The following PPT2 variants were observed in gnomAD, a reference collection of about 807,000 sequenced individuals.
PPT2 encodes the protein palmitoyl-protein thioesterase 2, also known as lysosomal thioesterase PPT2.
Under a neutral mutation model 37.3 loss-of-function variants are expected in PPT2, and 20 were observed. The ratio of observed to expected loss-of-function variants is 0.54; its 90% confidence interval spans 0.38 to 0.78. The LOEUF is 0.78. PPT2 is among the 30% of genes least tolerant of loss of function. The pLI, the probability that PPT2 is intolerant of heterozygous loss-of-function variation, is 0.00. For missense variants in PPT2, 270 were observed against 389.8 expected, an observed-to-expected ratio of 0.69 and a Z score of 2.59; for synonymous variants, 135 against 159.1, an observed-to-expected ratio of 0.85 and a Z score of 1.14.
At position 32,156,110 on chromosome 6, in the gene PPT2, A is replaced by T. The variant is rs1041494107; in HGVS notation, c.541+132A>T. The T allele has an allele frequency of 2.4e-5, 15 of 632,122 alleles. No homozygotes were observed. Among genetic ancestry groups the T allele is most frequent in the Non-Finnish European group, 3.4e-5 (13 of 382,168 alleles). 39.2% of individuals were successfully genotyped at this position (632,122 alleles called of 1,614,324 possible). A position where few individuals can be genotyped will look rare whatever the true frequency, so the allele number is the denominator to read the frequency against. ...GTTATTTGAACAGGCTCTGTTCAGA[A>T]TTTTTTTTTTTTTTGAGACGGAGTC... is the stretch of plus-strand genomic sequence containing the variant. On this transcript the variant is annotated intron_variant, in intron 5 of 8. Coordinates refer to ENST00000324816, the MANE Select transcript of PPT2 (RefSeq NM_005155.7). This position sits in a 1 kb window ranked among gnomAD's most constrained non-coding sequence, Gnocchi z 4.9.
rs900155596 is a variant in PPT2 at position 32,163,055 on chromosome 6, C to T, written c.*105C>T. On this transcript the variant is annotated 3_prime_UTR_variant, in exon 9 of 9. Coordinates refer to ENST00000324816, the MANE Select transcript of PPT2 (RefSeq NM_005155.7). ...TGTGCCTGTGACCACCTCATTGCTCCCATATTATCCCCCATTTTTAGTAGA... is the reference window on the plus strand; with the variant it reads ...TGTGCCTGTGACCACCTCATTGCTCTCATATTATCCCCCATTTTTAGTAGA... 3 of 1,295,554 alleles carry T rather than the reference C, an allele frequency of 2.3e-6. No homozygotes were observed. The African/African-American group carries it at 4.5e-5, about 19-fold the overall frequency. 80.3% of individuals were successfully genotyped at this position (1,295,554 alleles called of 1,614,324 possible).
In PPT2 at chr6:32,156,317, G is replaced by GT; in HGVS notation, c.541+339_541+340insT. 6.6e-6 allele frequency among the ~76,000 whole-genome samples: 1 copy of GT among 152,194 alleles called. No individual in the cohort carries two copies. ...GATGGAGTTTCGCCATGTTGGCCAGGCTGGTCTCGAACTCCTGACCTCAGG... is the reference window on the plus strand; with the variant it reads ...GATGGAGTTTCGCCATGTTGGCCAGGTCTGGTCTCGAACTCCTGACCTCAGG... On this transcript the variant is annotated intron_variant, in intron 5 of 8. Transcript: ENST00000324816. This position sits in a 1 kb window ranked among gnomAD's most constrained non-coding sequence, Gnocchi z 4.9.
chr6:32,162,659 G>A lies in PPT2; in HGVS notation c.765+37G>A. 6.3e-7 allele frequency: 1 copy of A among 1,583,090 alleles called. No homozygotes were observed. Among genetic ancestry groups the A allele is most frequent in the East Asian group, 2.2e-5 (1 of 44,732 alleles). On this transcript the variant is annotated intron_variant, in intron 8 of 8. Transcript: ENST00000324816. The surrounding 1 kb of genome is among the most constrained non-coding windows in gnomAD (Gnocchi z 5.5). ...GGGATTACTTCCCCTTCTAGCCGCT[G>A]TCCCACCTTATTCCAGAGCCCTCTC... is the stretch of plus-strand genomic sequence containing the variant.
intron 7 of PPT2, among the ~76,000 whole-genome samples, chr6:32,161,658 G>C (rs1410246665): frequency 3.3e-5 from 5 of 149,472 alleles, no homozygotes; most frequent in African/African-American, 1.2e-4. Context: ...CGCCATCCCG[G>C]CTCACTGCAA....
At chr6:32,153,994 C>A, upstream of PPT2, 1 of 1,273,044 alleles carries the variant, frequency 7.9e-7, no homozygotes, top group Non-Finnish European at 9.9e-7. The surrounding 1 kb of genome is among the most constrained non-coding windows in gnomAD (Gnocchi z 4.4). Context: ...CTGTTTCCTC[C>A]CCAGCACCTA....
At position 32,155,303 on chromosome 6, in the gene PPT2, T is replaced by C; in HGVS notation, c.337+120T>C. On this transcript the variant is annotated intron_variant, in intron 3 of 8. Transcript: ENST00000324816. This position sits in a 1 kb window ranked among gnomAD's most constrained non-coding sequence, Gnocchi z 4.3. Reference sequence around the variant, plus strand: ...TTGCTCCAGGCACAACCCTGGTACCTGAGCCCTTCCTTTCTGACTTCCCTC... The same window carrying C: ...TTGCTCCAGGCACAACCCTGGTACCCGAGCCCTTCCTTTCTGACTTCCCTC... The C allele has an allele frequency of 8.3e-7, 1 of 1,208,306 alleles. No individual in the cohort carries two copies. The highest frequency in any genetic ancestry group is 2.5e-5 in the East Asian group (1 of 39,364). 74.8% of individuals were successfully genotyped at this position (1,208,306 alleles called of 1,614,324 possible).
rs1309817797 is a variant in PPT2, at chr6:32,163,196, C to T, written c.*246C>T. On this transcript the variant is annotated 3_prime_UTR_variant, in exon 9 of 9. Transcript: ENST00000324816. ...CTCTCATTTGGGGGATTGCTCCGTG[C>T]TGTCCCTTTCTCTCAAGGCCGAAGT... The T allele has an allele frequency of 2.0e-6, 1 of 495,144 alleles. No homozygotes were observed. Among genetic ancestry groups the T allele is most frequent in the East Asian group, 3.2e-5 (1 of 31,466 alleles). 30.7% of individuals were successfully genotyped at this position (495,144 alleles called of 1,614,324 possible). A position where few individuals can be genotyped will look rare whatever the true frequency, so the allele number is the denominator to read the frequency against.
intron 7 of PPT2, chr6:32,158,152 C>T: frequency 2.2e-6 from 1 of 458,394 alleles, no homozygotes; most frequent in Non-Finnish European, 3.9e-6. Context: ...CTATCACCCC[C>T]TCCCCCACTT....
chr6:32,161,876 G>A (rs879597453), intron 7 of PPT2, among the ~76,000 whole-genome samples: 54 of 152,096 alleles, frequency 3.6e-4, no homozygotes, highest in South Asian at 6.2e-4. Flanking sequence ...GAGCCACCAC[G>A]CCCAGCTAAT....
At position 32,155,572 on chromosome 6, in the gene PPT2, CTGTGTGTGTCTCTG is replaced by C; in HGVS notation, c.338-106_338-93del. The C allele has an allele frequency of 3.7e-6, 3 of 819,466 alleles. No individual in the cohort carries two copies. The highest frequency in any genetic ancestry group is 2.0e-5 in the Admixed American group (1 of 49,668). The allele number at this position is 819,466 out of a possible 1,614,324, so 50.8% of individuals were successfully genotyped here. Reference sequence around the variant, plus strand: ...AGTCTCCTTTGTGTACAGTGTGTGTCTGTGTGTGTCTCTGTGTGTGTGTGTGTGTGTGTGTGTGT... The same window carrying C: ...AGTCTCCTTTGTGTACAGTGTGTGTCTGTGTGTGTGTGTGTGTGTGTGTGT... On this transcript the variant is annotated intron_variant, in intron 3 of 8. Transcript: ENST00000324816. The surrounding 1 kb of genome is among the most constrained non-coding windows in gnomAD (Gnocchi z 4.3).
intron 7 of PPT2, among the ~76,000 whole-genome samples, chr6:32,160,733 T>C (rs1784100811): frequency 6.6e-6 from 1 of 151,952 alleles, no homozygotes; most frequent in Non-Finnish European, 1.5e-5. Flanking sequence ...TAAGAAAAGT[T>C]TGCGCCTGTA....
chr6:32,153,575 C>T (rs1783493994), upstream of PPT2: 12 of 1,575,954 alleles, frequency 7.6e-6, no homozygotes, highest in East Asian at 2.8e-4. The surrounding 1 kb of genome is among the most constrained non-coding windows in gnomAD (Gnocchi z 4.4). Flanking sequence ...GCTCAAGGGG[C>T]CTCGAGGACT....
Position 32,157,695 on chromosome 6 carries a change from G to A in PPT2, c.600G>A (p.Gly200=). 6.2e-7 allele frequency: 1 copy of A among 1,602,082 alleles called. No individual in the cohort carries two copies. The highest frequency in any genetic ancestry group is 8.5e-7 in the Non-Finnish European group (1 of 1,169,852). Reference sequence around the variant, plus strand: ...GCAGCTTCCTGGCCCTGATCAATGGGGAAAGAGACCATCCCAATGCCACAG... The same window carrying A: ...GCAGCTTCCTGGCCCTGATCAATGGAGAAAGAGACCATCCCAATGCCACAG... ...NASSFLALIN[G]ERDHPNATVW... Residue 200 remains glycine (G), a synonymous_variant, in exon 6 of 9, where the codon GGG becomes GGA. Coordinates refer to ENST00000324816, the MANE Select transcript of PPT2 (RefSeq NM_005155.7).
intron 7 of PPT2, among the ~76,000 whole-genome samples, chr6:32,159,316 C>T (rs1783986683): frequency 6.6e-6 from 1 of 151,166 alleles, no homozygotes; most frequent in South Asian, 2.1e-4. Context: ...GCATGTAATC[C>T]CAGCTACTTG....
At chr6:32,154,001 C>A, upstream of PPT2, 1 of 1,255,894 alleles carries the variant, frequency 8.0e-7, no homozygotes, top group Non-Finnish European at 1.0e-6. The surrounding 1 kb of genome is among the most constrained non-coding windows in gnomAD (Gnocchi z 7.3). Flanking sequence ...CTCCCCAGCA[C>A]CTAGGGCGCA....
At chr6:32,157,754 T>G in intron 6 of PPT2, 34 bp downstream of exon 6, 1 of 1,569,422 alleles carries the variant, frequency 6.4e-7, no homozygotes, top group African/African-American at 1.4e-5. Context: ...TGTTGCTTTT[T>G]CTGCTTCTTT....
rs1451054579 is a variant in PPT2 at position 32,155,471 on chromosome 6, G to A, written c.338-217G>A. 6.6e-6 allele frequency among the ~76,000 whole-genome samples: 1 copy of A among 152,198 alleles called. No homozygotes were observed. Among genetic ancestry groups the A allele is most frequent in the Non-Finnish European group, 1.5e-5 (1 of 68,034 alleles). The stretch of plus-strand genomic sequence containing the variant: ...CCTAGAACTAGAGGCAGGAGGCCCA[G>A]CATCTAATTCGGGCTCAGTCACTTA... On this transcript the variant is annotated intron_variant, in intron 3 of 8. Coordinates refer to ENST00000324816, the MANE Select transcript of PPT2 (RefSeq NM_005155.7). The surrounding 1 kb of genome is among the most constrained non-coding windows in gnomAD (Gnocchi z 4.3).
In PPT2 at chr6:32,155,901, C is replaced by T. The variant is rs1238886923; in HGVS notation, c.464C>T (p.Thr155Ile). The T allele has an allele frequency of 6.2e-7, 1 of 1,614,028 alleles. No individual in the cohort carries two copies. Among genetic ancestry groups the T allele is most frequent in the Non-Finnish European group, 8.5e-7 (1 of 1,180,000 alleles). Residue 155 changes from threonine to isoleucine, a missense_variant, in exon 5 of 9, where the codon ACC (threonine) becomes ATC (isoleucine). Physicochemically the swap from Thr to Ile is moderately conservative, Grantham distance 89. Transcript: ENST00000324816. This position sits in a 1 kb window ranked among gnomAD's most constrained non-coding sequence, Gnocchi z 4.3. Reference sequence around the variant, plus strand: ...GACTACTTGAAGTGGCTGTTCCCCACCTCCATGCGGTCTAACCTCTATCGG... The same window carrying T: ...GACTACTTGAAGTGGCTGTTCCCCATCTCCATGCGGTCTAACCTCTATCGG... Reference protein sequence around the residue: ...DTDYLKWLFPTSMRSNLYRIC... With the variant: ...DTDYLKWLFPISMRSNLYRIC...
At chr6:32,157,747 T>G (rs1414529462) in intron 6 of PPT2, 27 bp downstream of exon 6, 1 of 1,566,998 alleles carries the variant, frequency 6.4e-7, no homozygotes, top group Non-Finnish European at 8.8e-7. Context: ...CTACCTGTGT[T>G]GCTTTTTCTG....
Sources: allele counts gnomAD v4.1 joint callset (sites outside exome capture counted in the v4.1 genomes callset), GRCh38; gene constraint gnomAD v4.1.1; non-coding constraint Gnocchi (gnomAD v3.1); transcripts MANE v1.5; gene names NCBI Gene and HGNC (gene_info 2026-07-23, HGNC 2026-07-21).